Variants in GRIK1 observed in about 807,000 individuals in gnomAD.
The protein encoded by GRIK1 is glutamate ionotropic receptor kainate type subunit 1, also known as glutamate receptor ionotropic, kainate 1.
Under a neutral mutation model 105.7 loss-of-function variants are expected in GRIK1, and 69 were observed. The ratio of observed to expected loss-of-function variants is 0.65; its 90% CI spans 0.54 to 0.80. The LOEUF (loss-of-function observed/expected upper bound fraction) is 0.80. Ranked by LOEUF, GRIK1 falls within the 30% of genes least tolerant of loss-of-function variation. The pLI is 0.00. For synonymous variants in GRIK1, 438 were observed against 431.3 expected (o/e 1.02, Z -0.19); for missense variants, 1,109 against 1,167.3 (o/e 0.95, Z 0.73).
intron 1 of GRIK1, among the ~76,000 whole-genome samples, chr21:29,776,818 A>G (rs1378088804): frequency 1.3e-5 from 2 of 152,224 alleles, no homozygotes; most frequent in African/African-American, 4.8e-5. Flanking sequence ...GTAGATATCC[A>G]TTCAACATGT....
chr21:29,599,891 C>A (rs1370235948), intron 7 of GRIK1, among the ~76,000 whole-genome samples: 5 of 152,198 alleles, frequency 3.3e-5, no homozygotes, highest in Non-Finnish European at 7.3e-5. Context: ...TCGAGACCAT[C>A]CTGGCTAACA....
chr21:29,800,941 T>C (rs2066690810), intron 1 of GRIK1, among the ~76,000 whole-genome samples: 1 of 152,084 alleles, frequency 6.6e-6, no homozygotes, highest in Non-Finnish European at 1.5e-5. Context: ...TGATTTTGCC[T>C]CATCACAACT....
intron 1 of GRIK1, among the ~76,000 whole-genome samples, chr21:29,763,054 G>A (rs1053520936): frequency 1.3e-5 from 2 of 152,152 alleles, no homozygotes; most frequent in African/African-American, 4.8e-5. Context: ...CTGCTAAGGG[G>A]ACTGATATGG....
chr21:29,712,508 A>G (rs113078420), intron 1 of GRIK1, among the ~76,000 whole-genome samples: 6,538 of 152,218 alleles, frequency 0.043, 205 homozygotes, highest in Non-Finnish European at 0.066. Flanking sequence ...CCACGAGTGT[A>G]TGAAAGTACT....
At chr21:29,656,354 C>CAAAAAAAAAAGAAA (rs2062849929) in intron 4 of GRIK1, among the ~76,000 whole-genome samples, 1 of 51,132 alleles carries the variant, frequency 2.0e-5, no homozygotes, top group Non-Finnish European at 4.6e-5. Flanking sequence ...GAGCGAGACT[C>CAAAAAAAAAAGAAA]AAAAAAAAAA....
chr21:29,844,351 T>A (rs543529381), intron 1 of GRIK1, among the ~76,000 whole-genome samples: 4 of 152,286 alleles, frequency 2.6e-5, no homozygotes, highest in African/African-American at 9.6e-5. Context: ...AGGGTCAAAA[T>A]TAAACTCTCA....
At chr21:29,665,675 C>A (rs2063045325) in intron 4 of GRIK1, among the ~76,000 whole-genome samples, 1 of 152,220 alleles carries the variant, frequency 6.6e-6, no homozygotes, top group African/African-American at 2.4e-5. Flanking sequence ...AAGCTCAGAG[C>A]TGATGGAAAT....
At chr21:29,740,014 A>G (rs2064886547) in intron 1 of GRIK1, among the ~76,000 whole-genome samples, 1 of 152,330 alleles carries the variant, frequency 6.6e-6, no homozygotes, top group Admixed American at 6.5e-5. Context: ...ACTGTTTATA[A>G]TATGCATTAA....
At chr21:29,883,090 C>T (rs902445929) in intron 1 of GRIK1, among the ~76,000 whole-genome samples, 3 of 152,014 alleles carry the variant, frequency 2.0e-5, no homozygotes, top group Non-Finnish European at 4.4e-5. Context: ...GGACTCAATC[C>T]AATACTAATT....
Position 29,890,671 on chromosome 21 carries a change from G to C in GRIK1, c.118+48712C>G, listed in dbSNP as rs112614151. ...AATTAAGACTTCAGTATTTTAACAG[G>C]AAGTGCCAATCTGGTCAAAGTCATC... On this transcript the variant is annotated intron_variant, in intron 1 of 17. Transcript: ENST00000327783. Among the ~76,000 whole-genome samples the C allele has an allele frequency of 3.3e-5, 5 of 152,072 alleles. No homozygotes were observed. The South Asian group carries it at 6.2e-4, about 19-fold the overall frequency.
At chr21:29,853,996 C>A (rs1048991885) in intron 1 of GRIK1, among the ~76,000 whole-genome samples, 1 of 152,142 alleles carries the variant, frequency 6.6e-6, no homozygotes, top group African/African-American at 2.4e-5. Flanking sequence ...GAGCAAAGGC[C>A]TGAAGGAAGT....
At chr21:29,874,418 G>A (rs1031913390) in intron 1 of GRIK1, among the ~76,000 whole-genome samples, 4 of 152,202 alleles carry the variant, frequency 2.6e-5, no homozygotes, top group Non-Finnish European at 5.9e-5. Flanking sequence ...GCCAGATGCA[G>A]ACCTTCCAAA....
chr21:29,726,615 A>C (rs2064470577), intron 1 of GRIK1, among the ~76,000 whole-genome samples: 1 of 152,052 alleles, frequency 6.6e-6, no homozygotes, highest in African/African-American at 2.4e-5. Flanking sequence ...GTTTTATATA[A>C]TTTATTATTC....
chr21:29,773,327 C>T (rs375367259), intron 1 of GRIK1, among the ~76,000 whole-genome samples: 14 of 152,254 alleles, frequency 9.2e-5, no homozygotes, highest in African/African-American at 2.9e-4. Context: ...GCAGTATATT[C>T]TGAAAATAGT....
chr21:29,709,447 A>G (rs540492034), intron 1 of GRIK1, among the ~76,000 whole-genome samples: 1 of 151,732 alleles, frequency 6.6e-6, no homozygotes, highest in Admixed American at 6.6e-5. Flanking sequence ...TGCCCGGCTA[A>G]TTTTTGTGTT....
At chr21:29,859,070 G>A (rs2068554180) in intron 1 of GRIK1, among the ~76,000 whole-genome samples, 1 of 151,692 alleles carries the variant, frequency 6.6e-6, no homozygotes, top group Non-Finnish European at 1.5e-5. Context: ...TAGGGACATG[G>A]ATGAAGCTGG....
chr21:29,616,770 C>T (rs363421), intron 7 of GRIK1, among the ~76,000 whole-genome samples: 81,478 of 152,086 alleles, frequency 0.54, 24,704 homozygotes, highest in African/African-American at 0.83. Context: ...TATTCACAAA[C>T]TGTGAGTGAG....
chr21:29,589,257 TC>T (rs2061294794), intron 10 of GRIK1, among the ~76,000 whole-genome samples: 1 of 152,148 alleles, frequency 6.6e-6, no homozygotes, highest in African/African-American at 2.4e-5. Flanking sequence ...TGGGAGCTTT[TC>T]CTTCCGCTGT....
intron 1 of GRIK1, among the ~76,000 whole-genome samples, chr21:29,813,258 G>A (rs1284183242): frequency 6.6e-6 from 1 of 152,158 alleles, no homozygotes; most frequent in East Asian, 1.9e-4. Flanking sequence ...GGACTGAGGT[G>A]TTACTAAACC....
Sources: gnomAD v4.1 joint callset for allele counts (sites outside exome capture counted in the v4.1 genomes callset) on GRCh38, gnomAD v4.1.1 for gene constraint, MANE v1.5 for transcripts, NCBI Gene and HGNC (gene_info 2026-07-23, HGNC 2026-07-21) for gene names.